The following POM121C variants were observed in gnomAD, a reference collection of about 807,000 sequenced individuals.
POM121C encodes the protein nuclear envelope pore membrane protein POM 121C.
Under a neutral mutation model 66.4 loss-of-function variants are expected in POM121C, and 20 were observed. The observed-to-expected ratio is 0.30, with a 90% confidence interval of 0.21 to 0.44. The LOEUF (loss-of-function observed/expected upper bound fraction) is 0.44, where lower values mean the gene tolerates loss of function less well. Ranked by LOEUF, POM121C falls within the 20% of genes least tolerant of loss-of-function variation. The pLI is 1.00. For synonymous variants in POM121C, 286 were observed against 528.0 expected, an observed-to-expected ratio of 0.54 and a Z score of 6.28; for missense variants, 580 against 1,225.7, an observed-to-expected ratio of 0.47 and a Z score of 7.87.
intron 13 of POM121C, chr7:75,421,099 G>A (rs1789688576): frequency 9.8e-6 from 3 of 306,446 alleles, no homozygotes; most frequent in Admixed American, 4.9e-5. Flanking sequence ...TCAGCCTCCC[G>A]AGCAGCTGGG....
chr7:75,423,803 T>C (rs1370233991), intron 12 of POM121C, among the ~76,000 whole-genome samples: 1 of 151,870 alleles, frequency 6.6e-6, no homozygotes, highest in African/African-American at 2.4e-5. Context: ...ATCTGACAAA[T>C]GAGGAAGGCG....
intron 7 of POM121C, among the ~76,000 whole-genome samples, chr7:75,431,020 G>A (rs1435748140): frequency 7.4e-6 from 1 of 134,368 alleles, no homozygotes; most frequent in East Asian, 2.5e-4. Flanking sequence ...AGCTTGCAGT[G>A]AGCCCAGATC....
At chr7:75,462,484 T>A (rs1232016110) in intron 3 of POM121C, among the ~76,000 whole-genome samples, 1 of 151,816 alleles carries the variant, frequency 6.6e-6, no homozygotes, top group African/African-American at 2.4e-5. Context: ...GTAGGAAAAC[T>A]GGGTTATTTT....
In POM121C at chr7:75,418,186, G is replaced by GGCAGGA. The variant is rs1789549944; in HGVS notation, c.*604_*609dup. The GGCAGGA allele has an allele frequency of 1.0e-6, 1 of 982,482 alleles. No homozygotes were observed. The highest frequency in any genetic ancestry group is 1.8e-5 in the African/African-American group (1 of 56,762). The allele number at this position is 982,482 out of a possible 1,614,324, so 60.9% of individuals were successfully genotyped here. A position where few individuals can be genotyped will look rare whatever the true frequency, so the allele number is the denominator to read the frequency against. On this transcript the variant is annotated 3_prime_UTR_variant, in exon 15 of 15. Coordinates refer to ENST00000615331, the MANE Select transcript of POM121C (RefSeq NM_001099415.3). ...GATTCAGGCTTGGCAGGAAGAAAACGGCAGGAGCAGCACCCACTGGGGTCT... is the reference window on the plus strand; with the variant it reads ...GATTCAGGCTTGGCAGGAAGAAAACGGCAGGAGCAGGAGCAGCACCCACTGGGGTCT...
intron 3 of POM121C, among the ~76,000 whole-genome samples, chr7:75,447,366 A>ACAAATCACATAATCAAATTGCT (rs1554474805): frequency 6.7e-6 from 1 of 149,902 alleles, no homozygotes; most frequent in Non-Finnish European, 1.5e-5. Context: ...GAAAACTGTA[A>ACAAATCACATAATCAAATTGCT]CAAATCACAT....
At chr7:75,438,054 G>A (rs1790481663) in intron 6 of POM121C, among the ~76,000 whole-genome samples, 1 of 152,082 alleles carries the variant, frequency 6.6e-6, no homozygotes. Flanking sequence ...GTGTATGCGT[G>A]TCAAAATGTC....
intron 1 of POM121C, among the ~76,000 whole-genome samples, chr7:75,485,011 C>A (rs1296255374): frequency 6.6e-6 from 1 of 151,608 alleles, no homozygotes; most frequent in African/African-American, 2.4e-5. Flanking sequence ...GCATGCCTGG[C>A]GACTTTTGTA....
chr7:75,469,307 A>G (rs1554478301), intron 3 of POM121C, among the ~76,000 whole-genome samples: 2 of 152,068 alleles, frequency 1.3e-5, no homozygotes, highest in African/African-American at 4.8e-5. Flanking sequence ...TATGTTTCCC[A>G]GGCTAGCCTT....
intron 3 of POM121C, chr7:75,442,687 G>C (rs781992630): frequency 9.2e-6 from 13 of 1,408,158 alleles, no homozygotes; most frequent in Admixed American, 3.2e-5. Context: ...GCCGCCGCTC[G>C]CCTGCTCCAG....
intron 7 of POM121C, among the ~76,000 whole-genome samples, chr7:75,429,142 C>G (rs1317983030): frequency 6.6e-6 from 1 of 152,086 alleles, no homozygotes; most frequent in Non-Finnish European, 1.5e-5. Flanking sequence ...AAAGTCCTAG[C>G]CAAGTGCAGT....
chr7:75,477,774 T>A (rs192092415), intron 1 of POM121C, among the ~76,000 whole-genome samples: 136,689 of 149,668 alleles, frequency 0.91, 62,453 homozygotes, highest in East Asian at 0.97. Flanking sequence ...ACAAAGAAAA[T>A]AATATATATA....
chr7:75,417,056 G>C lies in POM121C; in HGVS notation c.*1740C>G. Reference sequence around the variant, plus strand: ...GTCTACCTTACATAAGGTACAGGTAGAAGCTTGATTGCTAGGCCCAGGCCC... The same window carrying C: ...GTCTACCTTACATAAGGTACAGGTACAAGCTTGATTGCTAGGCCCAGGCCC... On this transcript the variant is annotated 3_prime_UTR_variant, in exon 15 of 15. Transcript: ENST00000615331. 9.3e-7 allele frequency: 1 copy of C among 1,072,730 alleles called. No individual in the cohort carries two copies. The highest frequency in any genetic ancestry group is 1.1e-6 in the Non-Finnish European group (1 of 880,918). The allele number at this position is 1,072,730 out of a possible 1,614,324, so 66.5% of individuals were successfully genotyped here. A position where few individuals can be genotyped will look rare whatever the true frequency, so the allele number is the denominator to read the frequency against.
At chr7:75,480,890 A>G (rs587679059) in intron 1 of POM121C, among the ~76,000 whole-genome samples, 1 of 152,134 alleles carries the variant, frequency 6.6e-6, no homozygotes, top group Admixed American at 6.5e-5. Context: ...TAAAAGTATT[A>G]AATCAATGAT....
intron 3 of POM121C, among the ~76,000 whole-genome samples, chr7:75,467,523 TTC>T (rs1202062492): frequency 2.6e-5 from 3 of 117,048 alleles, no homozygotes; most frequent in African/African-American, 9.1e-5. Flanking sequence ...CAGAGCGAGA[TTC>T]TGTCTCAAAA....
rs1257509688 is a variant in POM121C, at chr7:75,425,808, A to C, written c.573-100T>G. The C allele has an allele frequency of 3.7e-5, 38 of 1,031,240 alleles. 1 individual carries two copies. In the South Asian group the frequency reaches 6.1e-4, roughly 16 times the overall value. The allele number at this position is 1,031,240 out of a possible 1,614,324, so 63.9% of individuals were successfully genotyped here. Reference sequence around the variant, plus strand: ...CTAACTACCAAGTGGCCAACATCTAAAACAACCATCATTTAAGATCTCAGT... The same window carrying C: ...CTAACTACCAAGTGGCCAACATCTACAACAACCATCATTTAAGATCTCAGT... On this transcript the variant is annotated intron_variant, in intron 8 of 14. Coordinates refer to ENST00000615331, the MANE Select transcript of POM121C (RefSeq NM_001099415.3).
intron 3 of POM121C, among the ~76,000 whole-genome samples, chr7:75,463,007 G>T (rs1328285229): frequency 6.6e-6 from 1 of 152,066 alleles, no homozygotes; most frequent in Non-Finnish European, 1.5e-5. Context: ...TGCAGGCAGG[G>T]AGTAAAGCCT....
rs781862698 is a variant in POM121C at position 75,441,115 on chromosome 7, T to C, written c.66A>G (p.Ile22Met). The part of the protein sequence containing the change: ...PPDRRFSRSA[I>M]PEQIISSTLS... ...GTGTTGAGCTGATTATCTGCTCTGG[T>C]CTATAATGAAAGACAAGATTCTAGC... is the stretch of plus-strand genomic sequence containing the variant. Residue 22 changes from isoleucine (I) to methionine (M), a missense_variant and splice_region_variant, in exon 5 of 15, where the codon ATA becomes ATG. Physicochemically the swap from Ile to Met is conservative, Grantham distance 10. Transcript: ENST00000615331. 1.2e-6 allele frequency: 2 copies of C among 1,613,042 alleles called. No homozygotes were observed. The highest frequency in any genetic ancestry group is 1.7e-6 in the Non-Finnish European group (2 of 1,179,574).
At chr7:75,463,325 C>T (rs1791510341) in intron 3 of POM121C, among the ~76,000 whole-genome samples, 1 of 151,864 alleles carries the variant, frequency 6.6e-6, no homozygotes, top group South Asian at 2.1e-4. Context: ...GCCTAGGCGA[C>T]AGGGCAAGAC....
Position 75,485,920 on chromosome 7 carries a change from C to G in POM121C, c.-514G>C, listed in dbSNP as rs1792522397. On this transcript the variant is annotated 5_prime_UTR_variant, in exon 1 of 15. Transcript: ENST00000615331. ...GCTCCCGAGAGGCCGGGGCGGGCTGCTGTCGCTGGCGCGCGCGTCTGCTCG... is the reference window on the plus strand; with the variant it reads ...GCTCCCGAGAGGCCGGGGCGGGCTGGTGTCGCTGGCGCGCGCGTCTGCTCG... The G allele has an allele frequency of 2.0e-6, 1 of 498,314 alleles. No homozygotes were observed. Among genetic ancestry groups the G allele is most frequent in the Admixed American group, 2.1e-5 (1 of 47,526 alleles). The allele number at this position is 498,314 out of a possible 1,614,324, so 30.9% of individuals were successfully genotyped here. A position where few individuals can be genotyped will look rare whatever the true frequency, so the allele number is the denominator to read the frequency against.
Sources: gnomAD v4.1 joint callset for allele counts (sites outside exome capture counted in the v4.1 genomes callset) on GRCh38, gnomAD v4.1.1 for gene constraint, MANE v1.5 for transcripts, NCBI Gene and HGNC (gene_info 2026-07-23, HGNC 2026-07-21) for gene names.